Variants in IGHMBP2 observed in about 807,000 individuals in gnomAD.
The protein encoded by IGHMBP2 is DNA-binding protein SMUBP-2.
IGHMBP2 carries 81 observed loss-of-function variants against 96.0 expected under a neutral mutation model. That is an observed-to-expected ratio of 0.84 (90% confidence interval 0.71 to 1.01). The LOEUF (loss-of-function observed/expected upper bound fraction) is 1.01. IGHMBP2 is among the 50% of genes least tolerant of loss of function. IGHMBP2 has a pLI of 0.00. For missense variants in IGHMBP2, 1,227 were observed against 1,306.3 expected, an observed-to-expected ratio of 0.94 and a Z score of 0.94; for synonymous variants, 557 against 548.9, an observed-to-expected ratio of 1.01 and a Z score of -0.21.
chr11:68,937,136 G>C, intron 13 of IGHMBP2, 45 bp downstream of exon 13: 3 of 1,594,890 alleles, frequency 1.9e-6, no homozygotes, highest in Non-Finnish European at 2.5e-6. Context: ...CCTCACTGGG[G>C]TGCTGGCCCC....
At chr11:68,920,497 T>C (rs1858838001) in intron 7 of IGHMBP2, among the ~76,000 whole-genome samples, 1 of 152,264 alleles carries the variant, frequency 6.6e-6, no homozygotes, top group Non-Finnish European at 1.5e-5. Context: ...TAAAAAATAT[T>C]TGAGACACGG....
At chr11:68,926,458 A>G (rs1859075090) in intron 7 of IGHMBP2, 1 of 150,952 alleles carries the variant, frequency 6.6e-6, no homozygotes, top group Non-Finnish European at 1.5e-5. Context: ...TTTAGTAGAG[A>G]CTGGGTTTTA....
intron 6 of IGHMBP2, among the ~76,000 whole-genome samples, chr11:68,915,919 A>G (rs568161767): frequency 6.6e-6 from 1 of 151,776 alleles, no homozygotes; most frequent in East Asian, 2.0e-4. Flanking sequence ...CACACGTGCA[A>G]TCCCAGCACT....
chr11:68,939,286 G>C (rs1859660679), intron 14 of IGHMBP2, among the ~76,000 whole-genome samples: 1 of 152,114 alleles, frequency 6.6e-6, no homozygotes, highest in Admixed American at 6.5e-5. Context: ...AGTGGCCGCA[G>C]GGACCGTGTG....
chr11:68,933,828 G>A lies in IGHMBP2; in HGVS notation c.1452G>A (p.Thr484=), dbSNP rs1368846781. The A allele has an allele frequency of 6.2e-6, 10 of 1,612,506 alleles. No homozygotes were observed. Among genetic ancestry groups the A allele is most frequent in the African/African-American group, 1.3e-5 (1 of 75,020 alleles). ...DLPGVAATEE[T]GVPLLLVDTA... The stretch of plus-strand genomic sequence containing the variant: ...CAGGTGTGGCTGCCACAGAAGAGAC[G>A]GGTGTGCCCCTGCTCTTGGTGGACA... Residue 484 remains threonine, a synonymous_variant, in exon 10 of 15, where the codon ACG becomes ACA. Coordinates refer to ENST00000255078, the MANE Select transcript of IGHMBP2 (RefSeq NM_002180.3).
At chr11:68,908,748 C>T in intron 4 of IGHMBP2, 117 bp downstream of exon 4, 1 of 735,216 alleles carries the variant, frequency 1.4e-6, no homozygotes. Flanking sequence ...AGAAGTCTCC[C>T]TGAACATCTT....
At chr11:68,933,159 G>GC in intron 8 of IGHMBP2, 140 bp from the exon 9 acceptor site, 1 of 847,596 alleles carries the variant, frequency 1.2e-6, no homozygotes, top group Non-Finnish European at 1.9e-6. Context: ...AGCCAAACCC[G>GC]CCCCTTGGTT....
intron 13 of IGHMBP2, chr11:68,937,632 T>G (rs558874077): frequency 9.8e-5 from 23 of 234,112 alleles, no homozygotes; most frequent in African/African-American, 5.2e-4. Flanking sequence ...AGGAGCTGGC[T>G]AGGCGTGCAG....
chr11:68,914,937 C>G lies in IGHMBP2; in HGVS notation c.826C>G (p.Gln276Glu). Residue 276 changes from glutamine to glutamate, a missense_variant, in exon 6 of 15, where the codon CAG becomes GAG. Gln to Glu is a conservative substitution (Grantham distance 29). Coordinates refer to ENST00000255078, the MANE Select transcript of IGHMBP2 (RefSeq NM_002180.3). ...GHPARLLESI[Q>E]QHSLDAVLAR... ...CCCTGCCCGCCTCCTGGAGTCCATT[C>G]AGCAGCACTCCCTGGATGCGGTTTT... The G allele has an allele frequency of 6.2e-7, 1 of 1,614,108 alleles. No individual in the cohort carries two copies. The highest frequency in any genetic ancestry group is 8.5e-7 in the Non-Finnish European group (1 of 1,180,008).
Position 68,929,292 on chromosome 11 carries a change from G to C in IGHMBP2, c.1170G>C (p.Leu390=). 1 of 1,613,790 alleles carries C rather than the reference G, an allele frequency of 6.2e-7. No homozygotes were observed. Among genetic ancestry groups the C allele is most frequent in the African/African-American group, 1.3e-5 (1 of 75,022 alleles). Residue 390 remains leucine, a synonymous_variant, in exon 8 of 15, where the codon CTG becomes CTC. Transcript: ENST00000255078. ...AGGCGAGCTGCTGGATCCCCCTGCT[G>C]AAGGCCAGAAAGTGCATCCTGGCGG... ...ALEASCWIPL[L]KARKCILAGD...
rs1462234845 is a variant in IGHMBP2, at chr11:68,936,638, G to A, written c.2158G>A (p.Val720Met). 5 of 1,613,794 alleles carry A rather than the reference G, an allele frequency of 3.1e-6. No individual in the cohort carries two copies. In the African/African-American group the frequency reaches 5.3e-5, roughly 17 times the overall value. The part of the protein sequence containing the change: ...PSLNGGSPEG[V>M]ESQDGVDHFR... ...CCTCAACGGAGGCAGCCCAGAGGGA[G>A]TGGAGAGCCAAGATGGCGTGGACCA... The change falls in exon 13 of 15, where the codon GTG (valine) becomes ATG (methionine). Residue 720 changes from valine (V) to methionine (M), a missense_variant. Physicochemically the swap from Val to Met is conservative, Grantham distance 21. This residue lies in a region of IGHMBP2 where 703 missense variants were observed against 770.3 expected (regional missense o/e 0.91). Transcript: ENST00000255078.
chr11:68,910,313 G>A (rs1054629987), intron 4 of IGHMBP2, among the ~76,000 whole-genome samples: 18 of 152,176 alleles, frequency 1.2e-4, no homozygotes, highest in East Asian at 1.9e-4. Flanking sequence ...GCTCCTATGC[G>A]TCACAAACTG....
intron 6 of IGHMBP2, among the ~76,000 whole-genome samples, chr11:68,915,618 G>A (rs961111569): frequency 5.9e-5 from 9 of 151,904 alleles, no homozygotes; most frequent in Admixed American, 3.9e-4. Context: ...AAGTAGCTAG[G>A]ACTACAGGCA....
rs1483129724 is a variant in IGHMBP2 at position 68,919,435 on chromosome 11, T to G, written c.1060+1552T>G. Among the ~76,000 whole-genome samples the G allele has an allele frequency of 2.6e-5, 4 of 152,248 alleles. No homozygotes were observed. The East Asian group carries it at 7.7e-4, about 29-fold the overall frequency. ...CCTGCATGTGCCACTGCACCTGGCT[T>G]ACTTTCTGTTATTGGTTTCTAATTT... On this transcript the variant is annotated intron_variant, in intron 7 of 14. Transcript: ENST00000255078.
chr11:68,905,957 T>C, intron 1 of IGHMBP2, 112 bp from the exon 2 acceptor site: 1 of 1,076,966 alleles, frequency 9.3e-7, no homozygotes, highest in Non-Finnish European at 1.4e-6. Flanking sequence ...GGGACATATT[T>C]AGTGCCTGTG....
chr11:68,937,874 G>A (rs1014882722), intron 13 of IGHMBP2: 3 of 405,846 alleles, frequency 7.4e-6, no homozygotes, highest in Non-Finnish European at 9.2e-6. Context: ...TGTATGCCAC[G>A]CTTTGTGCTA....
Position 68,938,286 on chromosome 11 carries a change from G to A in IGHMBP2, c.2716G>A (p.Val906Ile), listed in dbSNP as rs748491290. Residue 906 changes from valine to isoleucine, a missense_variant, in exon 14 of 15, where the codon GTC (valine) becomes ATC (isoleucine). Val to Ile is a conservative substitution (Grantham distance 29, BLOSUM62 3). This residue lies in a region of IGHMBP2 where 703 missense variants were observed against 770.3 expected (regional missense o/e 0.91). Transcript: ENST00000255078. ...TCGFAKCTAG[V>I]TTLGQFCQLC... ...CGGCTTTGCCAAGTGCACAGCCGGC[G>A]TCACAACCCTGGGCCAGTTCTGCCA... The A allele has an allele frequency of 5.6e-6, 9 of 1,613,404 alleles. No individual in the cohort carries two copies. The highest frequency in any genetic ancestry group is 1.3e-5 in the African/African-American group (1 of 74,898).
chr11:68,934,170 T>A (rs867623447), intron 10 of IGHMBP2: 86 of 610,332 alleles, frequency 1.4e-4, no homozygotes, highest in African/African-American at 1.3e-3. Flanking sequence ...GCCTGGCTGG[T>A]CTGGTGATGG....
chr11:68,935,476 A>G (rs2154008777), intron 12 of IGHMBP2, 54 bp downstream of exon 12: 3 of 1,606,284 alleles, frequency 1.9e-6, no homozygotes, highest in East Asian at 2.2e-5. Flanking sequence ...GAATTTATTG[A>G]TTGAGGGGCA....
Sources: allele counts gnomAD v4.1 joint callset (sites outside exome capture counted in the v4.1 genomes callset), GRCh38; gene constraint gnomAD v4.1.1; regional missense constraint gnomAD v4.1.1; transcripts MANE v1.5; gene names NCBI Gene and HGNC (gene_info 2026-07-23, HGNC 2026-07-21).